Variants in ZNF518B observed in about 807,000 individuals in gnomAD.
ZNF518B encodes zinc finger protein 518B.
In ZNF518B, 23 loss-of-function variants were observed where a neutral mutation model predicts 56.3. The ratio of observed to expected loss-of-function variants is 0.41; its 90% confidence interval spans 0.29 to 0.58. The LOEUF (loss-of-function observed/expected upper bound fraction) is 0.58, where lower values mean the gene tolerates loss of function less well. Among genes scored for constraint, ZNF518B ranks in the 20% least tolerant of loss-of-function variants. The pLI, the probability that ZNF518B is intolerant of heterozygous loss-of-function variation, is 0.32. For missense variants in ZNF518B, 1,460 were observed against 1,272.1 expected, an observed-to-expected ratio of 1.15 and a Z score of -2.25; for synonymous variants, 529 against 465.9, an observed-to-expected ratio of 1.14 and a Z score of -1.74.
At chr4:10,450,866 C>T (rs1313540756) in intron 2 of ZNF518B, 1 of 152,218 alleles carries the variant, frequency 6.6e-6, no homozygotes, top group African/African-American at 2.4e-5. Context: ...GTCTCGAAAA[C>T]ACAGAAAAGA....
intron 2 of ZNF518B, 111 bp from the exon 3 acceptor site, chr4:10,446,650 G>A (rs151006935): frequency 7.4e-4 from 173 of 233,576 alleles, no homozygotes; most frequent in African/African-American, 3.5e-3. Context: ...AAATCTCAAC[G>A]TATGATTTTA....
At chr4:10,455,756 A>G (rs1214765230) in intron 1 of ZNF518B, among the ~76,000 whole-genome samples, 1 of 152,240 alleles carries the variant, frequency 6.6e-6, no homozygotes, top group African/African-American at 2.4e-5. Context: ...TCAGCATAGC[A>G]AACTGTCTAC....
In ZNF518B at chr4:10,446,003, T is replaced by C. The variant is rs749552291; in HGVS notation, c.326A>G (p.His109Arg). 4 of 1,614,166 alleles carry C rather than the reference T, an allele frequency of 2.5e-6. No individual in the cohort carries two copies. The South Asian group carries it at 4.4e-5, about 18-fold the overall frequency. Residue 109 changes from histidine to arginine, a missense_variant, in exon 3 of 3, where the codon CAT becomes CGT. His to Arg is a conservative substitution (Grantham distance 29). Coordinates refer to ENST00000326756, the MANE Select transcript of ZNF518B (RefSeq NM_053042.3). ...GAAGTTTTCAGTTTTATTTCCAACATGAGTCGCACTGGAATTATTGCTCAC... is the reference window on the plus strand; with the variant it reads ...GAAGTTTTCAGTTTTATTTCCAACACGAGTCGCACTGGAATTATTGCTCAC... ...HFVSNNSSAT[H>R]VGNKTENFSS...
At chr4:10,448,634 G>A (rs1715171215) in intron 2 of ZNF518B, among the ~76,000 whole-genome samples, 1 of 151,948 alleles carries the variant, frequency 6.6e-6, no homozygotes, top group Admixed American at 6.6e-5. Flanking sequence ...ACATCAAGCA[G>A]ATGGAGGCCT....
In ZNF518B at chr4:10,446,475, C is replaced by T. The variant is rs1715061741; in HGVS notation, c.-147G>A. On this transcript the variant is annotated 5_prime_UTR_variant, in exon 3 of 3. Coordinates refer to ENST00000326756, the MANE Select transcript of ZNF518B (RefSeq NM_053042.3). ...ATACTTAATTATCTTTCTTTATATA[C>T]TGCCGCAGTAGGTGCATGATCCCAA... 2 of 726,232 alleles carry T rather than the reference C, an allele frequency of 2.8e-6. No individual in the cohort carries two copies. Among genetic ancestry groups the T allele is most frequent in the South Asian group, 2.1e-5 (1 of 48,102 alleles). 45.0% of individuals were successfully genotyped at this position (726,232 alleles called of 1,614,324 possible). A position where few individuals can be genotyped will look rare whatever the true frequency, so the allele number is the denominator to read the frequency against.
At chr4:10,447,148 G>A (rs561970881) in intron 2 of ZNF518B, among the ~76,000 whole-genome samples, 5 of 152,214 alleles carry the variant, frequency 3.3e-5, no homozygotes, top group Non-Finnish European at 7.3e-5. Flanking sequence ...ATTCAAAAGT[G>A]CTGTAAGGTA....
Position 10,443,705 on chromosome 4 carries a change from T to G in ZNF518B, c.2624A>C (p.Lys875Thr), listed in dbSNP as rs1224381743. 1.9e-6 allele frequency: 3 copies of G among 1,614,216 alleles called. No individual in the cohort carries two copies. The highest frequency in any genetic ancestry group is 2.5e-6 in the Non-Finnish European group (3 of 1,180,042). Residue 875 changes from lysine (K) to threonine (T), a missense_variant, in exon 3 of 3, where the codon AAG becomes ACG. Lys to Thr is a moderately conservative substitution (Grantham distance 78). Coordinates refer to ENST00000326756, the MANE Select transcript of ZNF518B (RefSeq NM_053042.3). ...ACTTCTGGAAAGCAGTCTCCCTTGC[T>G]TATTTAATTCACTGCTTCCTTGCTG... Reference protein sequence around the residue: ...YGQQGSSELNKQGRLLSRSLS... With the variant: ...YGQQGSSELNTQGRLLSRSLS...
rs569138460 is a variant in ZNF518B at position 10,450,554 on chromosome 4, A to G, written c.-211-4015T>C. Among the ~76,000 whole-genome samples, 4 of 144,582 alleles carry G rather than the reference A, an allele frequency of 2.8e-5. No homozygotes were observed. The East Asian group carries it at 8.8e-4, about 32-fold the overall frequency. 94.9% of individuals were successfully genotyped at this position (144,582 alleles called of 152,430 possible). On this transcript the variant is annotated intron_variant, in intron 2 of 2. Transcript: ENST00000326756. Reference sequence around the variant, plus strand: ...TGGACACTCCTGAGGGACAGCAGGCATATCTGTGTAAAAGCCTCTCAGCCC... The same window carrying G: ...TGGACACTCCTGAGGGACAGCAGGCGTATCTGTGTAAAAGCCTCTCAGCCC...
chr4:10,455,441 G>A (rs547418653), intron 1 of ZNF518B, among the ~76,000 whole-genome samples: 190 of 152,248 alleles, frequency 1.2e-3, no homozygotes, highest in Admixed American at 2.4e-3. Context: ...GAAGGGTTTG[G>A]CCAAGGAAGG....
chr4:10,451,326 T>G (rs1715302769), intron 2 of ZNF518B: 1 of 152,166 alleles, frequency 6.6e-6, no homozygotes, highest in Admixed American at 6.5e-5. Context: ...CTCAATAAAA[T>G]TTGAAGAGAA....
In ZNF518B at chr4:10,443,770, G is replaced by A; in HGVS notation, c.2559C>T (p.Val853=). 1.2e-6 allele frequency: 2 copies of A among 1,614,208 alleles called. No individual in the cohort carries two copies. The highest frequency in any genetic ancestry group is 8.5e-7 in the Non-Finnish European group (1 of 1,180,038). Residue 853 remains valine, a synonymous_variant, in exon 3 of 3, where the codon GTC becomes GTT. Coordinates refer to ENST00000326756, the MANE Select transcript of ZNF518B (RefSeq NM_053042.3). ...CAGTTTTTCTATGGATGGTGCTACA[G>A]ACAGCACTCTCTTTTCTCAGTTTAG... ...LRPKLRKESA[V]CSTIHRKTGL...
rs1464864693 is a variant in ZNF518B, at chr4:10,445,160, C to T, written c.1169G>A (p.Gly390Asp). 3.1e-6 allele frequency: 5 copies of T among 1,614,200 alleles called. No homozygotes were observed. In the South Asian group the frequency reaches 3.3e-5, roughly 11 times the overall value. ...AAGTACTTTTTCTTGTTCATTTGAA[C>T]CCTTCTCTTTCACCATACGTTCAGA... ...GNSERMVKEK[G>D]SNEQEKVLSA... The change falls in exon 3 of 3, where the codon GGT becomes GAT. Residue 390 changes from glycine (G) to aspartate (D), a missense_variant. Gly to Asp is a moderately conservative substitution (Grantham distance 94, BLOSUM62 -1). Transcript: ENST00000326756.
chr4:10,444,434 A>C lies in ZNF518B; in HGVS notation c.1895T>G (p.Val632Gly). The C allele has an allele frequency of 6.2e-7, 1 of 1,614,206 alleles. No homozygotes were observed. The highest frequency in any genetic ancestry group is 8.5e-7 in the Non-Finnish European group (1 of 1,180,036). The change falls in exon 3 of 3, where the codon GTC (valine) becomes GGC (glycine). Residue 632 changes from valine to glycine, a missense_variant. Val to Gly is a moderately radical substitution (Grantham distance 109, BLOSUM62 -3). Coordinates refer to ENST00000326756, the MANE Select transcript of ZNF518B (RefSeq NM_053042.3). Reference protein sequence around the residue: ...ERTNNTNDGPVISSVFSLSSG... With the variant: ...ERTNNTNDGPGISSVFSLSSG... ...GCTCAGAGAAAATACTGATGAGATG[A>C]CTGGGCCATCATTAGTGTTGTTAGT... is the stretch of plus-strand genomic sequence containing the variant.
At chr4:10,446,902 T>C (rs995637343) in intron 2 of ZNF518B, among the ~76,000 whole-genome samples, 10 of 152,256 alleles carry the variant, frequency 6.6e-5, no homozygotes, top group Non-Finnish European at 1.5e-4. Flanking sequence ...AAAAATGTTA[T>C]ACAGGACACT....
chr4:10,453,484 T>G (rs938932592), intron 2 of ZNF518B: 2 of 152,164 alleles, frequency 1.3e-5, no homozygotes, highest in Non-Finnish European at 2.9e-5. Flanking sequence ...AGTGATATTA[T>G]AGGCTTTTTC....
rs143934287 is a variant in ZNF518B at position 10,448,826 on chromosome 4, AGAG to A, written c.-211-2290_-211-2288del. On this transcript the variant is annotated intron_variant, in intron 2 of 2. Transcript: ENST00000326756. ...TTCTGGAAGAGACAACACAACTTTC[AGAG>A]GAGTCATTATGAGAAGCTGGCACAC... 5.8e-3 allele frequency among the ~76,000 whole-genome samples: 888 copies of A among 152,320 alleles called. 10 individuals are homozygous for A. Among genetic ancestry groups the A allele is most frequent in the African/African-American group, 0.02 (826 of 41,554 alleles).
chr4:10,449,083 T>C (rs1277646170), intron 2 of ZNF518B, among the ~76,000 whole-genome samples: 1 of 152,218 alleles, frequency 6.6e-6, no homozygotes, highest in Non-Finnish European at 1.5e-5. Context: ...GTCAACATTG[T>C]TATCCAGATA....
In ZNF518B at chr4:10,443,742, G is replaced by A. The variant is rs1714801060; in HGVS notation, c.2587C>T (p.Leu863Phe). The A allele has an allele frequency of 6.2e-7, 1 of 1,614,200 alleles. No homozygotes were observed. Among genetic ancestry groups the A allele is most frequent in the African/African-American group, 1.3e-5 (1 of 75,050 alleles). The change falls in exon 3 of 3, where the codon CTC becomes TTC. Residue 863 changes from leucine to phenylalanine, a missense_variant. Coordinates refer to ENST00000326756, the MANE Select transcript of ZNF518B (RefSeq NM_053042.3). The part of the protein sequence containing the change: ...VCSTIHRKTG[L>F]LYGQQGSSEL... ...CTGCTTCCTTGCTGTCCATACAAGAGGCCAGTTTTTCTATGGATGGTGCTA... is the reference window on the plus strand; with the variant it reads ...CTGCTTCCTTGCTGTCCATACAAGAAGCCAGTTTTTCTATGGATGGTGCTA...
rs1351301358 is a variant in ZNF518B at position 10,443,029 on chromosome 4, C to T, written c.*75G>A. 63 of 1,298,582 alleles carry T rather than the reference C, an allele frequency of 4.9e-5. No homozygotes were observed. The highest frequency in any genetic ancestry group is 5.9e-5 in the Non-Finnish European group (56 of 943,440). 80.4% of individuals were successfully genotyped at this position (1,298,582 alleles called of 1,614,324 possible). A position where few individuals can be genotyped will look rare whatever the true frequency, so the allele number is the denominator to read the frequency against. On this transcript the variant is annotated 3_prime_UTR_variant, in exon 3 of 3. Coordinates refer to ENST00000326756, the MANE Select transcript of ZNF518B (RefSeq NM_053042.3). ...CTCATTTCTACAGTCTGTATTTCTT[C>T]TACTGAATCTTGGTGGAGGGACTCC... is the stretch of plus-strand genomic sequence containing the variant.
Sources: allele counts gnomAD v4.1 joint callset (sites outside exome capture counted in the v4.1 genomes callset), GRCh38; gene constraint gnomAD v4.1.1; transcripts MANE v1.5; gene names NCBI Gene and HGNC (gene_info 2026-07-23, HGNC 2026-07-21).